The following NALF1 variants were observed in gnomAD, a reference collection of about 807,000 sequenced individuals.
NALF1 encodes family with sequence similarity 155 member A.
Under a neutral mutation model 48.4 loss-of-function variants are expected in NALF1, and 3 were observed. The observed-to-expected ratio is 0.06, with a 90% CI of 0.03 to 0.16. The LOEUF (loss-of-function observed/expected upper bound fraction) is 0.16, where lower values mean the gene tolerates loss of function less well. Ranked by LOEUF, NALF1 falls within the 10% of genes least tolerant of loss-of-function variation. The probability of loss-of-function intolerance (pLI) is 1.00; values close to 1 mark genes in which losing one functional copy is unlikely to be tolerated. For synonymous variants in NALF1, 262 were observed against 245.7 expected (o/e 1.07, Z -0.62); for missense variants, 526 against 571.5 (o/e 0.92, Z 0.81).
intron 1 of NALF1, among the ~76,000 whole-genome samples, chr13:107,517,208 A>G (rs1352283005): frequency 1.3e-5 from 2 of 152,242 alleles, no homozygotes; most frequent in Non-Finnish European, 2.9e-5. Flanking sequence ...AGTTTAAAAT[A>G]TCAGAACATT....
chr13:107,653,364 A>G (rs755983654), intron 1 of NALF1, among the ~76,000 whole-genome samples: 18 of 152,100 alleles, frequency 1.2e-4, no homozygotes, highest in African/African-American at 1.7e-4. Flanking sequence ...CTGTTGAAAG[A>G]GAAAATTAGG....
intron 2 of NALF1, among the ~76,000 whole-genome samples, chr13:107,206,878 G>C (rs1041790639): frequency 6.6e-6 from 1 of 152,170 alleles, no homozygotes; most frequent in Non-Finnish European, 1.5e-5. Context: ...AAGAATCCTC[G>C]ATATCCTAGA....
Position 107,789,490 on chromosome 13 carries a change from T to C in NALF1, c.915+76192A>G, listed in dbSNP as rs548190474. On this transcript the variant is annotated intron_variant, in intron 1 of 2. Transcript: ENST00000375915. ...GTTGGGAAACTATGCTTACTTCATC[T>C]TTATCTCATCATTTCTTTGTCATTC... Among the ~76,000 whole-genome samples, 95 of 152,354 alleles carry C rather than the reference T, an allele frequency of 6.2e-4. 1 individual carries two copies. Among genetic ancestry groups the C allele is most frequent in the African/African-American group, 2.2e-3 (92 of 41,576 alleles).
rs1484038253 is a variant in NALF1, at chr13:107,803,309, T to C, written c.915+62373A>G. On this transcript the variant is annotated intron_variant, in intron 1 of 2. Coordinates refer to ENST00000375915, the MANE Select transcript of NALF1 (RefSeq NM_001080396.3). ...TACAAAAATTTAATGACATTATATT[T>C]CTATATTAAATATAACGTGGTCAAT... Among the ~76,000 whole-genome samples the C allele has an allele frequency of 2.0e-5, 3 of 152,270 alleles. No individual in the cohort carries two copies. In the East Asian group the frequency reaches 5.8e-4, roughly 29 times the overall value.
chr13:107,323,503 T>C (rs2138916089), intron 1 of NALF1, among the ~76,000 whole-genome samples: 1 of 152,274 alleles, frequency 6.6e-6, no homozygotes. Flanking sequence ...AAATTTTTTT[T>C]CTCTATTTTT....
At chr13:107,807,629 AAAT>A (rs1878841857) in intron 1 of NALF1, among the ~76,000 whole-genome samples, 2 of 152,218 alleles carry the variant, frequency 1.3e-5, no homozygotes, top group South Asian at 2.1e-4. Flanking sequence ...TTCCTTCTAC[AAAT>A]AATAATTTAT....
intron 1 of NALF1, among the ~76,000 whole-genome samples, chr13:107,243,459 C>G (rs564076202): frequency 6.6e-6 from 1 of 152,258 alleles, no homozygotes; most frequent in Admixed American, 6.5e-5. Context: ...CAATGCATGC[C>G]GTTGATGTAT....
At chr13:107,339,146 A>G (rs1054978510) in intron 1 of NALF1, among the ~76,000 whole-genome samples, 2 of 151,716 alleles carry the variant, frequency 1.3e-5, no homozygotes, top group African/African-American at 2.4e-5. Context: ...AAGAAAAAAA[A>G]AAAAAAAAAA....
chr13:107,588,114 A>G (rs1878507858), intron 1 of NALF1, among the ~76,000 whole-genome samples: 1 of 152,090 alleles, frequency 6.6e-6, no homozygotes, highest in Non-Finnish European at 1.5e-5. Flanking sequence ...CACATTCCTA[A>G]ACATCTTTCT....
At chr13:107,383,995 C>A (rs1174706465) in intron 1 of NALF1, among the ~76,000 whole-genome samples, 1 of 152,060 alleles carries the variant, frequency 6.6e-6, no homozygotes, top group East Asian at 1.9e-4. Flanking sequence ...ACACCTGTAA[C>A]CCCAGCACTT....
chr13:107,332,936 A>T (rs1175741938), intron 1 of NALF1, among the ~76,000 whole-genome samples: 1 of 152,006 alleles, frequency 6.6e-6, no homozygotes, highest in Admixed American at 6.6e-5. Flanking sequence ...ACCTCCACCC[A>T]ATGGGTGCAA....
chr13:107,610,897 A>G (rs1032984936), intron 1 of NALF1, among the ~76,000 whole-genome samples: 1 of 152,180 alleles, frequency 6.6e-6, no homozygotes, highest in Admixed American at 6.5e-5. Context: ...TAGTGTTGAG[A>G]ATGACATTGG....
At chr13:107,237,501 T>A (rs944599149) in intron 1 of NALF1, among the ~76,000 whole-genome samples, 7 of 152,172 alleles carry the variant, frequency 4.6e-5, no homozygotes, top group Non-Finnish European at 7.3e-5. Flanking sequence ...GCTTCCCATA[T>A]AAAATGGGGT....
At chr13:107,289,700 C>T (rs1881575955) in intron 1 of NALF1, among the ~76,000 whole-genome samples, 1 of 152,172 alleles carries the variant, frequency 6.6e-6, no homozygotes, top group Non-Finnish European at 1.5e-5. Flanking sequence ...GAGTCTCCAT[C>T]TGCAGTCATC....
In NALF1 at chr13:107,866,006, C is replaced by A. The variant is rs145264441; in HGVS notation, c.591G>T (p.Arg197=). 1.2e-6 allele frequency: 2 copies of A among 1,612,276 alleles called. No homozygotes were observed. The highest frequency in any genetic ancestry group is 1.7e-5 in the Admixed American group (1 of 60,024). Residue 197 remains arginine, a synonymous_variant, in exon 1 of 3, where the codon CGG becomes CGT. Transcript: ENST00000375915. The surrounding 1 kb of genome is among the most constrained non-coding windows in gnomAD (Gnocchi z 4.4). The stretch of plus-strand genomic sequence containing the variant: ...CCTGCCCGTCCCCCCCGGCCGCCCC[C>A]CGACTCCAGTTCCTGGCGCACACCG... The part of the protein sequence containing the change: ...ADAVCARNWS[R]GAAGGDGQEV...
chr13:107,703,029 T>C (rs555672511), intron 1 of NALF1, among the ~76,000 whole-genome samples: 89 of 152,346 alleles, frequency 5.8e-4, no homozygotes, highest in African/African-American at 9.9e-4. Context: ...ATCTTTATAA[T>C]AGAATGATTT....
intron 1 of NALF1, among the ~76,000 whole-genome samples, chr13:107,663,889 TCTC>T (rs1180009171): frequency 1.3e-5 from 2 of 152,102 alleles, no homozygotes; most frequent in Non-Finnish European, 2.9e-5. Context: ...TGTTACTTAT[TCTC>T]CTCAACTCCT....
At chr13:107,786,429 A>G (rs1187138769) in intron 1 of NALF1, among the ~76,000 whole-genome samples, 63 of 146,562 alleles carry the variant, frequency 4.3e-4, no homozygotes, top group African/African-American at 1.5e-3. Flanking sequence ...AAAAAAAAAA[A>G]AAAAAAAAAA....
At chr13:107,738,735 C>T (rs560427653) in intron 1 of NALF1, among the ~76,000 whole-genome samples, 3 of 151,146 alleles carry the variant, frequency 2.0e-5, no homozygotes, top group Non-Finnish European at 4.4e-5. Context: ...GGTGTGATCT[C>T]GGCTCACTGC....
Sources: gnomAD v4.1 joint callset for allele counts (sites outside exome capture counted in the v4.1 genomes callset) on GRCh38, gnomAD v4.1.1 for gene constraint, Gnocchi (gnomAD v3.1) non-coding constraint, MANE v1.5 for transcripts, NCBI Gene and HGNC (gene_info 2026-07-23, HGNC 2026-07-21) for gene names.